The following GTF2H5 variants were observed in gnomAD, a reference collection of about 807,000 sequenced individuals.
The protein encoded by GTF2H5 is general transcription factor IIH subunit 5.
GTF2H5 carries 5 observed loss-of-function variants against 7.1 expected under a neutral mutation model. The ratio of observed to expected loss-of-function variants is 0.71; its 90% CI spans 0.37 to 1.49. The LOEUF is 1.49. Among genes scored for constraint, GTF2H5 ranks in the 40% most tolerant of loss-of-function variants. GTF2H5 has a pLI of 0.03. For missense variants in GTF2H5, 80 were observed against 83.0 expected (o/e 0.96, Z 0.14); for synonymous variants, 30 against 31.7 (o/e 0.95, Z 0.18).
At position 158,169,690 on chromosome 6, in the gene GTF2H5, A is replaced by G. The variant is rs906846317; in HGVS notation, c.-34-780A>G. On this transcript the variant is annotated intron_variant, in intron 1 of 2. Transcript: ENST00000607778. ...TTGTATATTATATAATATATAATAT[A>G]TATTATATAATATATTGTATATTAT... Among the ~76,000 whole-genome samples, 48 of 90,706 alleles carry G rather than the reference A, an allele frequency of 5.3e-4. 6 individuals are homozygous for G. The highest frequency in any genetic ancestry group is 2.1e-3 in the Admixed American group (12 of 5,626). 59.5% of individuals were successfully genotyped at this position (90,706 alleles called of 152,430 possible). A position where few individuals can be genotyped will look rare whatever the true frequency, so the allele number is the denominator to read the frequency against.
At chr6:158,173,998 T>C (rs1012473404) in intron 2 of GTF2H5, among the ~76,000 whole-genome samples, 1 of 152,064 alleles carries the variant, frequency 6.6e-6, no homozygotes, top group Non-Finnish European at 1.5e-5. Flanking sequence ...GTGGTGCTGG[T>C]GGGGGTGGTT....
In GTF2H5 at chr6:158,169,719, T is replaced by A. The variant is rs192330135; in HGVS notation, c.-34-751T>A. Among the ~76,000 whole-genome samples, 79 of 54,232 alleles carry A rather than the reference T, an allele frequency of 1.5e-3. 1 individual carries two copies. Among genetic ancestry groups the A allele is most frequent in the African/African-American group, 8.0e-3 (66 of 8,268 alleles). The allele number at this position is 54,232 out of a possible 152,430, so 35.6% of individuals were successfully genotyped here. A position where few individuals can be genotyped will look rare whatever the true frequency, so the allele number is the denominator to read the frequency against. On this transcript the variant is annotated intron_variant, in intron 1 of 2. Coordinates refer to ENST00000607778, the MANE Select transcript of GTF2H5 (RefSeq NM_207118.3). The stretch of plus-strand genomic sequence containing the variant: ...TATATAATATATTGTATATTATATA[T>A]TATATAATATATTGTATATTATATA...
In GTF2H5 at chr6:158,193,843, G is replaced by A. The variant is rs1777066041; in HGVS notation, c.*1686G>A. The A allele has an allele frequency of 6.6e-6, 1 of 152,040 alleles. No individual in the cohort carries two copies. The highest frequency in any genetic ancestry group is 1.5e-5 in the Non-Finnish European group (1 of 68,062). The allele number at this position is 152,040 out of a possible 1,614,324, so 9.4% of individuals were successfully genotyped here. A position where few individuals can be genotyped will look rare whatever the true frequency, so the allele number is the denominator to read the frequency against. On this transcript the variant is annotated 3_prime_UTR_variant, in exon 3 of 3. Coordinates refer to ENST00000607778, the MANE Select transcript of GTF2H5 (RefSeq NM_207118.3). Reference sequence around the variant, plus strand: ...TCTCTATTAAAAATACAAAAAATTAGCCGGGCCTGGTGGCGGGTGCCTGTA... The same window carrying A: ...TCTCTATTAAAAATACAAAAAATTAACCGGGCCTGGTGGCGGGTGCCTGTA...
chr6:158,177,824 G>A (rs980489346), intron 2 of GTF2H5, among the ~76,000 whole-genome samples: 1 of 152,102 alleles, frequency 6.6e-6, no homozygotes, highest in African/African-American at 2.4e-5. Context: ...TGCAGTGTTT[G>A]GTTTTCTGAT....
intron 2 of GTF2H5, among the ~76,000 whole-genome samples, chr6:158,178,182 G>A (rs1006179284): frequency 2.0e-5 from 3 of 152,040 alleles, no homozygotes; most frequent in East Asian, 3.9e-4. Flanking sequence ...CACCAACATT[G>A]TAAAAGCATT....
intron 2 of GTF2H5, among the ~76,000 whole-genome samples, chr6:158,175,010 A>ATATG (rs372393771): frequency 1.4e-5 from 2 of 138,246 alleles, no homozygotes; most frequent in Admixed American, 7.2e-5. Flanking sequence ...TGTGCCTGAG[A>ATATG]TGTGTGTGTG....
rs184113119 is a variant in GTF2H5, at chr6:158,176,928, C to T, written c.35+6390C>T. Among the ~76,000 whole-genome samples the T allele has an allele frequency of 8.6e-3, 1,304 of 152,342 alleles. 7 individuals carry two copies. Among genetic ancestry groups the T allele is most frequent in the Non-Finnish European group, 0.015 (1,048 of 68,028 alleles). ...ATGTCCTTAAGGCACAGATCACTCA[C>T]GCTATTGTTTGTGGTTTAAGAAAGC... On this transcript the variant is annotated intron_variant, in intron 2 of 2. Coordinates refer to ENST00000607778, the MANE Select transcript of GTF2H5 (RefSeq NM_207118.3).
Position 158,175,044 on chromosome 6 carries a change from G to GTGTGTGTATA in GTF2H5, c.35+4507_35+4508insGTGTGTATAT. On this transcript the variant is annotated intron_variant, in intron 2 of 2. Coordinates refer to ENST00000607778, the MANE Select transcript of GTF2H5 (RefSeq NM_207118.3). The stretch of plus-strand genomic sequence containing the variant: ...TGTGTGTGTGTGTGTGTGTGTGTGT[G>GTGTGTGTATA]TATACACACACACACACATACACAT... 9.0e-3 allele frequency among the ~76,000 whole-genome samples: 1,289 copies of GTGTGTGTATA among 142,778 alleles called. 21 individuals are homozygous for GTGTGTGTATA. The highest frequency in any genetic ancestry group is 0.026 in the African/African-American group (972 of 37,556). 93.7% of individuals were successfully genotyped at this position (142,778 alleles called of 152,430 possible). A position where few individuals can be genotyped will look rare whatever the true frequency, so the allele number is the denominator to read the frequency against.
At chr6:158,191,514 G>A (rs147991945) in intron 2 of GTF2H5, among the ~76,000 whole-genome samples, 1,479 of 143,810 alleles carry the variant, frequency 0.01, 27 homozygotes, top group African/African-American at 0.036. Flanking sequence ...ACAGAGTCTC[G>A]CTCTGTCGCC....
At chr6:158,183,624 C>A (rs1786037856) in intron 2 of GTF2H5, among the ~76,000 whole-genome samples, 2 of 152,226 alleles carry the variant, frequency 1.3e-5, no homozygotes, top group South Asian at 4.1e-4. Flanking sequence ...CACCCCTCCC[C>A]CCACCAAGCT....
chr6:158,168,569 T>TC (rs1029339076), intron 1 of GTF2H5, among the ~76,000 whole-genome samples, 174 bp downstream of exon 1: 3 of 152,036 alleles, frequency 2.0e-5, no homozygotes, highest in African/African-American at 4.8e-5. Context: ...CGCACGGCAG[T>TC]CCCCCCCTCG....
rs1777150814 is a variant in GTF2H5, at chr6:158,198,684, G to A, written c.*6527G>A. 6.6e-6 allele frequency: 1 copy of A among 152,256 alleles called. No homozygotes were observed. The highest frequency in any genetic ancestry group is 1.5e-5 in the Non-Finnish European group (1 of 68,066). The allele number at this position is 152,256 out of a possible 1,614,324, so 9.4% of individuals were successfully genotyped here. On this transcript the variant is annotated 3_prime_UTR_variant, in exon 3 of 3. Coordinates refer to ENST00000607778, the MANE Select transcript of GTF2H5 (RefSeq NM_207118.3). ...GCCTCCCAAAGTGGTGGGATTACAGGCGTGAGCCAGCGCGCCCGGCCTGGA... is the reference window on the plus strand; with the variant it reads ...GCCTCCCAAAGTGGTGGGATTACAGACGTGAGCCAGCGCGCCCGGCCTGGA...
chr6:158,187,538 A>C (rs956590810), intron 2 of GTF2H5, among the ~76,000 whole-genome samples: 2 of 152,144 alleles, frequency 1.3e-5, no homozygotes, highest in African/African-American at 4.8e-5. Flanking sequence ...TCCTACAAAA[A>C]GTCTGTTACC....
intron 2 of GTF2H5, among the ~76,000 whole-genome samples, chr6:158,177,526 C>T (rs923672664): frequency 6.6e-6 from 1 of 152,102 alleles, no homozygotes; most frequent in East Asian, 1.9e-4. Context: ...ATGCAGGCTG[C>T]GCTGGGTAAA....
chr6:158,176,673 CAG>C (rs1177315815), intron 2 of GTF2H5, among the ~76,000 whole-genome samples: 1 of 152,180 alleles, frequency 6.6e-6, no homozygotes, highest in African/African-American at 2.4e-5. Context: ...GAATTAAAGA[CAG>C]ACACACAGAA....
chr6:158,187,518 G>C (rs2128431489), intron 2 of GTF2H5, among the ~76,000 whole-genome samples: 1 of 152,234 alleles, frequency 6.6e-6, no homozygotes, highest in Non-Finnish European at 1.5e-5. Context: ...GCTGGAATTT[G>C]GTGTTTTATT....
chr6:158,170,432 T>A, intron 1 of GTF2H5, 38 bp from the exon 2 acceptor site: 1 of 1,238,592 alleles, frequency 8.1e-7, no homozygotes, highest in Admixed American at 1.7e-5. Flanking sequence ...TGAAAGTTAA[T>A]GATTTTTAAT....
chr6:158,172,453 C>G (rs1785871256), intron 2 of GTF2H5, among the ~76,000 whole-genome samples: 1 of 151,952 alleles, frequency 6.6e-6, no homozygotes, highest in African/African-American at 2.4e-5. Context: ...CACCACCACA[C>G]CCGGCTAATT....
intron 2 of GTF2H5, among the ~76,000 whole-genome samples, chr6:158,171,182 A>G (rs544604041): frequency 2.3e-4 from 35 of 152,348 alleles, no homozygotes; most frequent in African/African-American, 7.9e-4. Flanking sequence ...GCCAATAGAA[A>G]TCTAATGCAA....
Sources: allele counts gnomAD v4.1 joint callset (sites outside exome capture counted in the v4.1 genomes callset), GRCh38; gene constraint gnomAD v4.1.1; transcripts MANE v1.5; gene names NCBI Gene and HGNC (gene_info 2026-07-23, HGNC 2026-07-21).